Variants in RBFOX1 observed in about 807,000 individuals in gnomAD.
RBFOX1 encodes RNA binding protein fox-1 homolog 1.
RBFOX1 carries 8 observed loss-of-function variants against 57.7 expected under a neutral mutation model. That is an observed-to-expected ratio of 0.14 (90% CI 0.08 to 0.25). The LOEUF is 0.25. Ranked by LOEUF, RBFOX1 falls within the 10% of genes least tolerant of loss-of-function variation. RBFOX1 has a pLI of 1.00. For missense variants in RBFOX1, 611 were observed against 548.5 expected (o/e 1.11, Z -1.14); for synonymous variants, 326 against 222.4 (o/e 1.47, Z -4.15).
chr16:6,680,294 T>TTTTTTATTG (rs60731674), intron 3 of RBFOX1, among the ~76,000 whole-genome samples: 1 of 103,056 alleles, frequency 9.7e-6, no homozygotes, highest in Non-Finnish European at 1.9e-5. Context: ...TTTTTTTTTT[T>TTTTTTATTG]ATTTGTCGCC....
intron 2 of RBFOX1, among the ~76,000 whole-genome samples, chr16:6,319,693 T>G (rs2081534183): frequency 6.6e-6 from 1 of 152,158 alleles, no homozygotes; most frequent in African/African-American, 2.4e-5. Context: ...GGAACCAGCA[T>G]CTGTTTTCTA....
chr16:7,165,455 G>C (rs1601605634), intron 4 of RBFOX1, among the ~76,000 whole-genome samples: 1 of 148,898 alleles, frequency 6.7e-6, no homozygotes, highest in African/African-American at 2.5e-5. Context: ...TTGAGATGGA[G>C]TTTCGCTCTT....
chr16:7,131,689 C>G (rs1030493068), intron 4 of RBFOX1, among the ~76,000 whole-genome samples: 8 of 151,776 alleles, frequency 5.3e-5, no homozygotes, highest in Non-Finnish European at 8.8e-5. Flanking sequence ...TGTCTTTTTG[C>G]CAGACAGTAA....
rs531471486 is a variant in RBFOX1 at position 6,041,663 on chromosome 16, C to T, written c.-127+21671C>T. On this transcript the variant is annotated intron_variant, in intron 1 of 15. Transcript: ENST00000550418. ...AAGCCTAAGTCTTGAAATTATATCA[C>T]GCTGTTCCCTTTTAGTGTAAGGGGA... is the stretch of plus-strand genomic sequence containing the variant. Among the ~76,000 whole-genome samples, 21 of 152,196 alleles carry T rather than the reference C, an allele frequency of 1.4e-4. No individual in the cohort carries two copies. The East Asian group carries it at 2.5e-3, about 18-fold the overall frequency.
intron 3 of RBFOX1, among the ~76,000 whole-genome samples, chr16:5,697,908 T>C (rs1281540459): frequency 6.6e-6 from 1 of 152,182 alleles, no homozygotes; most frequent in Admixed American, 6.5e-5. Context: ...GTTAAGAAAG[T>C]TCCCTACTGT....
chr16:7,007,954 G>A (rs962834855), intron 3 of RBFOX1, among the ~76,000 whole-genome samples: 3 of 152,276 alleles, frequency 2.0e-5, no homozygotes, highest in Non-Finnish European at 2.9e-5. Flanking sequence ...TGAGAAACAC[G>A]TGAAATGGCA....
At chr16:7,510,357 G>C (rs2074698450) in intron 4 of RBFOX1, 2 of 982,754 alleles carry the variant, frequency 2.0e-6, no homozygotes, top group African/African-American at 1.7e-5. Context: ...TCAAAATTGC[G>C]ATTTGAATGA....
chr16:7,288,866 G>C (rs1273041168), intron 4 of RBFOX1, among the ~76,000 whole-genome samples: 1 of 152,178 alleles, frequency 6.6e-6, no homozygotes, highest in African/African-American at 2.4e-5. Flanking sequence ...ACTTTTTACA[G>C]TATTTCTTGG....
intron 4 of RBFOX1, among the ~76,000 whole-genome samples, chr16:5,880,861 A>C (rs1359164644): frequency 6.6e-6 from 1 of 152,240 alleles, no homozygotes; most frequent in Non-Finnish European, 1.5e-5. Flanking sequence ...GATTCAGTCA[A>C]ATCTTTGCTT....
chr16:6,945,619 G>A (rs990464580), intron 3 of RBFOX1, among the ~76,000 whole-genome samples: 4 of 152,000 alleles, frequency 2.6e-5, no homozygotes, highest in African/African-American at 9.7e-5. Flanking sequence ...GGCTAGGCTC[G>A]GTGGCTCACG....
intron 3 of RBFOX1, among the ~76,000 whole-genome samples, chr16:7,016,632 A>C (rs1353134552): frequency 6.6e-6 from 1 of 152,216 alleles, no homozygotes; most frequent in Non-Finnish European, 1.5e-5. Flanking sequence ...ATGTGGAAAC[A>C]GGCGTGATAC....
chr16:7,106,679 C>T (rs1312990417), intron 4 of RBFOX1, among the ~76,000 whole-genome samples: 1 of 151,580 alleles, frequency 6.6e-6, no homozygotes, highest in African/African-American at 2.4e-5. Context: ...TGTGGAAATC[C>T]TACGATGTGT....
chr16:7,249,338 G>C (rs967964086), intron 4 of RBFOX1, among the ~76,000 whole-genome samples: 26 of 152,108 alleles, frequency 1.7e-4, no homozygotes, highest in Non-Finnish European at 1.5e-4. Flanking sequence ...TAAGATAGGA[G>C]GAGCCTGGAG....
chr16:5,777,532 AT>A (rs2054186638), intron 3 of RBFOX1, among the ~76,000 whole-genome samples: 1 of 152,200 alleles, frequency 6.6e-6, no homozygotes, highest in African/African-American at 2.4e-5. Context: ...CTGAAGTTGC[AT>A]TGACTTGGAT....
intron 2 of RBFOX1, among the ~76,000 whole-genome samples, chr16:6,502,983 G>C (rs768379101): frequency 4.6e-5 from 7 of 152,122 alleles, no homozygotes; most frequent in Non-Finnish European, 7.3e-5. Context: ...TATCGACTCA[G>C]CTGAGATATT....
At chr16:5,803,887 C>G (rs1008865972) in intron 3 of RBFOX1, among the ~76,000 whole-genome samples, 1 of 152,152 alleles carries the variant, frequency 6.6e-6, no homozygotes, top group African/African-American at 2.4e-5. Context: ...AGTAATCAGA[C>G]TTCCACACCT....
At chr16:6,780,103 A>ATATATT (rs2080436964) in intron 3 of RBFOX1, among the ~76,000 whole-genome samples, 1 of 45,874 alleles carries the variant, frequency 2.2e-5, no homozygotes, top group Non-Finnish European at 3.2e-5. Flanking sequence ...ATATATTTTT[A>ATATATT]TATATTTATA....
At chr16:6,080,938 C>T (rs1245656745) in intron 1 of RBFOX1, among the ~76,000 whole-genome samples, 1 of 152,140 alleles carries the variant, frequency 6.6e-6, no homozygotes. Flanking sequence ...CATTTGGAAA[C>T]ACCCAGAACC....
chr16:6,009,112 T>C (rs867831830), intron 4 of RBFOX1, among the ~76,000 whole-genome samples: 7 of 152,128 alleles, frequency 4.6e-5, no homozygotes, highest in South Asian at 2.1e-4. Flanking sequence ...TTTTTTTTTT[T>C]TTCTTCTCCA....
Sources: gnomAD v4.1 joint callset for allele counts (sites outside exome capture counted in the v4.1 genomes callset) on GRCh38, gnomAD v4.1.1 for gene constraint, MANE v1.5 for transcripts, NCBI Gene and HGNC (gene_info 2026-07-23, HGNC 2026-07-21) for gene names.